Variants in BICDL1 observed in about 807,000 individuals in gnomAD.
BICDL1 encodes the protein BICD family-like cargo adapter 1.
In BICDL1, 20 loss-of-function variants were observed where a neutral mutation model predicts 76.8. The observed-to-expected ratio is 0.26, with a 90% CI of 0.18 to 0.38. The LOEUF (loss-of-function observed/expected upper bound fraction) is 0.38. BICDL1 is among the 10% of genes least tolerant of loss of function. BICDL1 has a pLI of 1.00. For synonymous variants in BICDL1, 383 were observed against 337.1 expected, an observed-to-expected ratio of 1.14 and a Z score of -1.49; for missense variants, 700 against 798.6, an observed-to-expected ratio of 0.88 and a Z score of 1.49.
At chr12:120,070,798 C>T (rs1873033813) in intron 4 of BICDL1, among the ~76,000 whole-genome samples, 2 of 150,194 alleles carry the variant, frequency 1.3e-5, no homozygotes, top group African/African-American at 2.5e-5. Context: ...ATGGCGCAAT[C>T]TCGGCTCACT....
chr12:119,990,958 A>G (rs918163945), intron 1 of BICDL1, among the ~76,000 whole-genome samples: 1 of 152,234 alleles, frequency 6.6e-6, no homozygotes, highest in Admixed American at 6.5e-5. Context: ...TTGCAATTGA[A>G]TGACCAAATG....
At chr12:120,091,731 A>C (rs1375999250) in intron 9 of BICDL1, 2 of 985,292 alleles carry the variant, frequency 2.0e-6, no homozygotes, top group South Asian at 4.7e-5. Context: ...ACGATGACTC[A>C]GGAAGGCCCC....
At chr12:120,039,880 GT>G (rs772747965) in intron 2 of BICDL1, among the ~76,000 whole-genome samples, 31 of 152,100 alleles carry the variant, frequency 2.0e-4, no homozygotes, top group Non-Finnish European at 5.9e-5. Context: ...TGTAACCAGT[GT>G]GGTAAAACCC....
intron 8 of BICDL1, among the ~76,000 whole-genome samples, chr12:120,084,716 C>A (rs1375386118): frequency 6.6e-6 from 1 of 151,938 alleles, no homozygotes; most frequent in East Asian, 1.9e-4. Flanking sequence ...ATGGTGAAAG[C>A]CCGTCTCTAC....
chr12:120,045,404 C>T (rs1952727257), intron 2 of BICDL1, among the ~76,000 whole-genome samples: 1 of 151,932 alleles, frequency 6.6e-6, no homozygotes, highest in African/African-American at 2.4e-5. Flanking sequence ...TTTGACCCAG[C>T]CATCCCATTA....
At chr12:120,062,240 G>A (rs1365507916) in intron 3 of BICDL1, among the ~76,000 whole-genome samples, 2 of 152,140 alleles carry the variant, frequency 1.3e-5, no homozygotes, top group African/African-American at 4.8e-5. Context: ...AGGATATTAT[G>A]GGTTAATGCA....
chr12:120,052,537 C>G (rs925817730), intron 2 of BICDL1, among the ~76,000 whole-genome samples: 17 of 152,208 alleles, frequency 1.1e-4, no homozygotes, highest in African/African-American at 4.1e-4. Flanking sequence ...GGGCCCTTCT[C>G]AGTACATCAT....
At chr12:120,064,546 T>C in intron 3 of BICDL1, 187 bp from the exon 4 acceptor site, 1 of 433,204 alleles carries the variant, frequency 2.3e-6, no homozygotes, top group Non-Finnish European at 4.0e-6. Context: ...CCAGACAGGT[T>C]TCTAGAGGGG....
chr12:120,023,708 T>C (rs1436854624), intron 2 of BICDL1, among the ~76,000 whole-genome samples: 1 of 151,682 alleles, frequency 6.6e-6, no homozygotes, highest in African/African-American at 2.4e-5. Flanking sequence ...GAGAATCGCT[T>C]GAGCCTGGGA....
Position 120,064,768 on chromosome 12 carries a change from G to T in BICDL1, c.798G>T (p.Glu266Asp). 1 of 1,613,432 alleles carries T rather than the reference G, an allele frequency of 6.2e-7. No homozygotes were observed. Among genetic ancestry groups the T allele is most frequent in the Non-Finnish European group, 8.5e-7 (1 of 1,179,726 alleles). The change falls in exon 4 of 10, where the codon GAG becomes GAT. Residue 266 changes from glutamate to aspartate, a missense_variant. This residue lies in a region of BICDL1 where 455 missense variants were observed against 548.7 expected (regional missense o/e 0.83). Transcript: ENST00000548673. ...TGTCAGATCGGAAACGGGAGCTGGA[G>T]CATCGTCTCAGCGCTACTTTAGAGG... ...KMLSDRKREL[E>D]HRLSATLEEN... is the part of the protein sequence containing the mutation.
intron 4 of BICDL1, among the ~76,000 whole-genome samples, chr12:120,066,877 A>G (rs995646511): frequency 2.0e-5 from 3 of 152,234 alleles, no homozygotes; most frequent in African/African-American, 7.2e-5. Flanking sequence ...TGTAAAATGT[A>G]AAGCTAGTGG....
chr12:120,014,334 T>C (rs1373566244), intron 2 of BICDL1, among the ~76,000 whole-genome samples: 1 of 152,170 alleles, frequency 6.6e-6, no homozygotes, highest in Non-Finnish European at 1.5e-5. Context: ...AAATTTAATG[T>C]AGCATCGGAT....
At position 120,093,290 on chromosome 12, in the gene BICDL1, CGGGA is replaced by C. The variant is rs1219249743; in HGVS notation, c.*133_*136del. The C allele has an allele frequency of 7.3e-6, 8 of 1,091,064 alleles. No homozygotes were observed. The highest frequency in any genetic ancestry group is 1.1e-5 in the Non-Finnish European group (8 of 760,984). 67.6% of individuals were successfully genotyped at this position (1,091,064 alleles called of 1,614,324 possible). A position where few individuals can be genotyped will look rare whatever the true frequency, so the allele number is the denominator to read the frequency against. ...CCCTCATGCTAGGGCCCCATGGGTCCGGGAGGGCCTGCTCCCTTTCGTCGGTGGG... is the reference window on the plus strand; with the variant it reads ...CCCTCATGCTAGGGCCCCATGGGTCCGGGCCTGCTCCCTTTCGTCGGTGGG... On this transcript the variant is annotated 3_prime_UTR_variant, in exon 10 of 10. Transcript: ENST00000548673.
intron 2 of BICDL1, among the ~76,000 whole-genome samples, chr12:120,060,878 C>T (rs2138896249): frequency 6.6e-6 from 1 of 152,300 alleles, no homozygotes. Flanking sequence ...CGTTCCAGCA[C>T]ACGGTGATCT....
chr12:120,074,013 G>A (rs773916260), intron 6 of BICDL1, among the ~76,000 whole-genome samples: 35 of 152,096 alleles, frequency 2.3e-4, no homozygotes, highest in Non-Finnish European at 4.1e-4. Flanking sequence ...TCTGCCTCCC[G>A]GGTTCACGCC....
intron 2 of BICDL1, among the ~76,000 whole-genome samples, chr12:120,009,006 T>A (rs1951903125): frequency 6.6e-6 from 1 of 152,038 alleles, no homozygotes. Flanking sequence ...CTTTTCTTTT[T>A]GAGATGGAGT....
chr12:119,995,980 C>T (rs572724451), intron 1 of BICDL1, among the ~76,000 whole-genome samples: 7 of 148,490 alleles, frequency 4.7e-5, no homozygotes, highest in South Asian at 4.3e-4. Context: ...AGCAAGACTC[C>T]GTCTCAAAAA....
chr12:120,015,871 A>G (rs1190813951), intron 2 of BICDL1, among the ~76,000 whole-genome samples: 2 of 152,160 alleles, frequency 1.3e-5, no homozygotes, highest in Admixed American at 6.5e-5. Flanking sequence ...TAATCCAATG[A>G]CCTTCTACAA....
intron 2 of BICDL1, among the ~76,000 whole-genome samples, chr12:120,003,158 TA>T (rs747568511): frequency 0.17 from 23,880 of 136,538 alleles, 3,152 homozygotes; most frequent in African/African-American, 0.39. Context: ...ACCCCATCTT[TA>T]AAAAAAAAAA....
Sources: gnomAD v4.1 joint callset for allele counts (sites outside exome capture counted in the v4.1 genomes callset) on GRCh38, gnomAD v4.1.1 for gene constraint, gnomAD v4.1.1 regional missense constraint, MANE v1.5 for transcripts, NCBI Gene and HGNC (gene_info 2026-07-23, HGNC 2026-07-21) for gene names.